PCNX2: variants seen among roughly 807,000 people sequenced by gnomAD.
PCNX2 encodes pecanex 2, also known as pecanex-like protein 2.
A neutral mutation model predicts 223.8 loss-of-function variants in PCNX2; 168 were observed. The observed-to-expected ratio is 0.75, with a 90% CI of 0.66 to 0.85. The LOEUF is 0.85. Among genes scored for constraint, PCNX2 ranks in the 40% least tolerant of loss-of-function variants. The probability of loss-of-function intolerance (pLI) is 0.00; values close to 1 mark genes in which losing one functional copy is unlikely to be tolerated. For synonymous variants in PCNX2, 1,006 were observed against 1,052.6 expected, an observed-to-expected ratio of 0.96 and a Z score of 0.86; for missense variants, 2,507 against 2,675.5, an observed-to-expected ratio of 0.94 and a Z score of 1.39.
intron 1 of PCNX2, among the ~76,000 whole-genome samples, chr1:233,280,561 G>C (rs996152885): frequency 2.0e-5 from 3 of 152,136 alleles, no homozygotes; most frequent in Non-Finnish European, 4.4e-5. Flanking sequence ...GCCTCCCAAA[G>C]TGTTGGGATT....
chr1:233,153,753 G>A (rs557409096), intron 19 of PCNX2, among the ~76,000 whole-genome samples: 62 of 152,162 alleles, frequency 4.1e-4, no homozygotes, highest in African/African-American at 1.5e-3. Flanking sequence ...TTTTTTTTCT[G>A]TACAGGGAAA....
At position 233,001,838 on chromosome 1, in the gene PCNX2, C is replaced by T. The variant is rs1414204152; in HGVS notation, c.4953-157G>A. Among the ~76,000 whole-genome samples the T allele has an allele frequency of 6.6e-6, 1 of 152,200 alleles. No homozygotes were observed. Among genetic ancestry groups the T allele is most frequent in the Non-Finnish European group, 1.5e-5 (1 of 68,042 alleles). ...GGACTCATCCCAGTGCACCTAGTGCCTACCCCTACAGCCCATGTTTGGGCC... is the reference window on the plus strand; with the variant it reads ...GGACTCATCCCAGTGCACCTAGTGCTTACCCCTACAGCCCATGTTTGGGCC... On this transcript the variant is annotated intron_variant, in intron 28 of 33. Transcript: ENST00000258229. This position sits in a 1 kb window ranked among gnomAD's most constrained non-coding sequence, Gnocchi z 4.2.
chr1:233,260,823 A>G (rs1660002467), intron 4 of PCNX2, among the ~76,000 whole-genome samples: 1 of 152,076 alleles, frequency 6.6e-6, no homozygotes, highest in Admixed American at 6.5e-5. Context: ...AAAAAAAGTT[A>G]GTAAAAATGT....
chr1:233,278,717 T>C (rs1432783530), intron 1 of PCNX2, among the ~76,000 whole-genome samples: 3 of 152,176 alleles, frequency 2.0e-5, no homozygotes, highest in African/African-American at 7.2e-5. Flanking sequence ...CTCTGTCCCA[T>C]GCCAGAGCCC....
intron 8 of PCNX2, chr1:233,241,219 G>A (rs79914537): frequency 1.0e-6 from 1 of 985,266 alleles, no homozygotes; most frequent in Admixed American, 6.1e-5. Flanking sequence ...GAAAAAGGCA[G>A]CAACACCGTG....
chr1:233,313,391 C>T, the PCNX2 span, among the ~76,000 whole-genome samples: 1 of 152,068 alleles, frequency 6.6e-6, no homozygotes, highest in East Asian at 1.9e-4. Flanking sequence ...GGTAGACAGA[C>T]TTGTCAGTGA....
chr1:233,085,466 C>G (rs1673556752), intron 23 of PCNX2, among the ~76,000 whole-genome samples: 1 of 152,120 alleles, frequency 6.6e-6, no homozygotes, highest in Non-Finnish European at 1.5e-5. Flanking sequence ...TACTGATGGC[C>G]ATAGCAGCAA....
intron 1 of PCNX2, among the ~76,000 whole-genome samples, chr1:233,287,553 G>A (rs1196800155): frequency 1.3e-5 from 2 of 152,182 alleles, no homozygotes; most frequent in African/African-American, 2.4e-5. Context: ...CATGTAAGAC[G>A]TGACTTTGCT....
chr1:233,093,624 T>C (rs1436655461), intron 22 of PCNX2, among the ~76,000 whole-genome samples: 1 of 152,100 alleles, frequency 6.6e-6, no homozygotes, highest in Non-Finnish European at 1.5e-5. Flanking sequence ...AATATCTACC[T>C]TTACAACTGA....
Position 233,233,286 on chromosome 1 carries a change from C to T in PCNX2, c.2358+3559G>A, listed in dbSNP as rs1462549985. Among the ~76,000 whole-genome samples the T allele has an allele frequency of 2.0e-5, 3 of 152,134 alleles. No homozygotes were observed. In the East Asian group the frequency reaches 5.8e-4, roughly 29 times the overall value. On this transcript the variant is annotated intron_variant, in intron 9 of 33. Transcript: ENST00000258229. ...TGCAACATTTTTAATTGGTAATATTCAAAACCCCTGAATGCCAATCTTGAG... is the reference window on the plus strand; with the variant it reads ...TGCAACATTTTTAATTGGTAATATTTAAAACCCCTGAATGCCAATCTTGAG...
intron 19 of PCNX2, among the ~76,000 whole-genome samples, chr1:233,149,387 C>G (rs1677658067): frequency 6.6e-6 from 1 of 152,160 alleles, no homozygotes; most frequent in Non-Finnish European, 1.5e-5. Context: ...TTCACCAATT[C>G]AAACCTTGAA....
At chr1:233,192,549 C>T (rs899217727) in intron 15 of PCNX2, among the ~76,000 whole-genome samples, 5 of 151,986 alleles carry the variant, frequency 3.3e-5, no homozygotes, top group African/African-American at 9.7e-5. Context: ...AAACAAAAAG[C>T]ATTCTTAAAA....
chr1:233,278,809 G>C (rs929705765), intron 1 of PCNX2, among the ~76,000 whole-genome samples: 1 of 152,080 alleles, frequency 6.6e-6, no homozygotes, highest in Non-Finnish European at 1.5e-5. Context: ...GAGCCCTCTG[G>C]CATCCAGTTT....
intron 19 of PCNX2, among the ~76,000 whole-genome samples, chr1:233,150,941 G>A (rs1023553028): frequency 6.6e-6 from 1 of 152,042 alleles, no homozygotes; most frequent in Non-Finnish European, 1.5e-5. Flanking sequence ...TTTTTCACAT[G>A]AAAAAGGTTA....
intron 23 of PCNX2, among the ~76,000 whole-genome samples, chr1:233,087,456 T>C (rs1447745950): frequency 6.6e-6 from 1 of 152,222 alleles, no homozygotes; most frequent in Non-Finnish European, 1.5e-5. Flanking sequence ...GTTAACTGAC[T>C]GGTCCTTTGT....
intron 9 of PCNX2, among the ~76,000 whole-genome samples, chr1:233,232,320 A>G (rs1226814517): frequency 1.3e-5 from 2 of 152,190 alleles, no homozygotes; most frequent in Non-Finnish European, 2.9e-5. Context: ...TAGGCTTTGT[A>G]TTTGATGATT....
chr1:233,167,430 G>A (rs1169576638), intron 17 of PCNX2, among the ~76,000 whole-genome samples: 2 of 152,122 alleles, frequency 1.3e-5, no homozygotes, highest in Non-Finnish European at 2.9e-5. Context: ...ATGGGGATAT[G>A]TGTGTTAGAA....
rs150134926 is a variant in PCNX2, at chr1:233,068,058, CTTGAAAGCAACAAGAAAGAAACACCTTA to C, written c.4077-10796_4077-10769del. Among the ~76,000 whole-genome samples, 753 of 152,186 alleles carry C rather than the reference CTTGAAAGCAACAAGAAAGAAACACCTTA, an allele frequency of 4.9e-3. 4 individuals carry two copies. The highest frequency in any genetic ancestry group is 0.018 in the African/African-American group (727 of 41,528). ...TAAAATATAAACACAAAAAAAAGCT[CTTGAAAGCAACAAGAAAGAAACACCTTA>C]TCTAAAAAGGAAAAATTCTGAATTA... is the stretch of plus-strand genomic sequence containing the variant. On this transcript the variant is annotated intron_variant, in intron 23 of 33. Transcript: ENST00000258229.
chr1:233,315,663 C>G, the PCNX2 span, among the ~76,000 whole-genome samples: 1 of 152,114 alleles, frequency 6.6e-6, no homozygotes, highest in Non-Finnish European at 1.5e-5. Flanking sequence ...ATATAAGTCA[C>G]TACAGAGTAA....
Sources: gnomAD v4.1 joint callset for allele counts (sites outside exome capture counted in the v4.1 genomes callset) on GRCh38, gnomAD v4.1.1 for gene constraint, Gnocchi (gnomAD v3.1) non-coding constraint, MANE v1.5 for transcripts, NCBI Gene and HGNC (gene_info 2026-07-23, HGNC 2026-07-21) for gene names.